Variants in MYNN observed in about 807,000 individuals in gnomAD.
MYNN encodes myoneurin.
In MYNN, 22 loss-of-function variants were observed where a neutral mutation model predicts 57.2. The ratio of observed to expected loss-of-function variants is 0.38; its 90% CI spans 0.27 to 0.55. The LOEUF (loss-of-function observed/expected upper bound fraction) is 0.55, where lower values mean the gene tolerates loss of function less well. MYNN is among the 20% of genes least tolerant of loss of function. MYNN has a pLI of 0.71. For synonymous variants in MYNN, 241 were observed against 257.1 expected, an observed-to-expected ratio of 0.94 and a Z score of 0.60; for missense variants, 566 against 723.1, an observed-to-expected ratio of 0.78 and a Z score of 2.49.
intron 7 of MYNN, among the ~76,000 whole-genome samples, chr3:169,785,761 G>A (rs868660677): frequency 2.0e-5 from 3 of 151,966 alleles, no homozygotes; most frequent in African/African-American, 7.2e-5. Flanking sequence ...TGACAAGGAC[G>A]GTGAAACCAA....
In MYNN at chr3:169,782,389, T is replaced by C. The variant is rs1778545018; in HGVS notation, c.1221-76T>C. On this transcript the variant is annotated intron_variant, in intron 4 of 7. Transcript: ENST00000349841. The surrounding 1 kb of genome is among the most constrained non-coding windows in gnomAD (Gnocchi z 4.8). ...TTAAGATGACATGAAATAAAATCTA[T>C]AAAAAACTTTATGAATTCTTGCTAT... The C allele has an allele frequency of 1.6e-6, 2 of 1,224,832 alleles. No individual in the cohort carries two copies. The highest frequency in any genetic ancestry group is 2.3e-6 in the Non-Finnish European group (2 of 882,778). The allele number at this position is 1,224,832 out of a possible 1,614,324, so 75.9% of individuals were successfully genotyped here.
In MYNN at chr3:169,788,579, A is replaced by G. The variant is rs1778738357; in HGVS notation, c.*1901A>G. 2.6e-5 allele frequency: 4 copies of G among 152,308 alleles called. No individual in the cohort carries two copies. In the South Asian group the frequency reaches 8.3e-4, roughly 32 times the overall value. 9.4% of individuals were successfully genotyped at this position (152,308 alleles called of 1,614,324 possible). A position where few individuals can be genotyped will look rare whatever the true frequency, so the allele number is the denominator to read the frequency against. On this transcript the variant is annotated 3_prime_UTR_variant, in exon 8 of 8. Coordinates refer to ENST00000349841, the MANE Select transcript of MYNN (RefSeq NM_018657.5). ...AACAAAAAACTGCTACAGTGACGTCATAATTCTATAAGGGCAATAGTTGCC... is the reference window on the plus strand; with the variant it reads ...AACAAAAAACTGCTACAGTGACGTCGTAATTCTATAAGGGCAATAGTTGCC...
Position 169,778,945 on chromosome 3 carries a change from A to T in MYNN, c.444A>T (p.Arg148=). 6.2e-7 allele frequency: 1 copy of T among 1,613,918 alleles called. No individual in the cohort carries two copies. Among genetic ancestry groups the T allele is most frequent in the Non-Finnish European group, 8.5e-7 (1 of 1,180,008 alleles). ...AACAGACTTGTCTTCTTACTCTGCG[A>T]GATTATAATAATCGAGAGAAATCAG... ...LNQQTCLLTL[R]DYNNREKSEV... The change falls in exon 3 of 8, where the codon CGA becomes CGT. Residue 148 remains arginine, a synonymous_variant. Coordinates refer to ENST00000349841, the MANE Select transcript of MYNN (RefSeq NM_018657.5).
intron 2 of MYNN, 101 bp from the exon 3 acceptor site, chr3:169,778,664 TCTG>T (rs1314820664): frequency 1.2e-6 from 1 of 826,910 alleles, no homozygotes; most frequent in Non-Finnish European, 1.9e-6. Context: ...TTTTCAGCAT[TCTG>T]CTTCATTAGG....
chr3:169,779,531 CA>C lies in MYNN; in HGVS notation c.1031del (p.Gln344ArgfsTer2). 6.2e-7 allele frequency: 1 copy of C among 1,614,090 alleles called. No individual in the cohort carries two copies. Among genetic ancestry groups the C allele is most frequent in the Non-Finnish European group, 8.5e-7 (1 of 1,179,982 alleles). On this transcript the variant is annotated frameshift_variant, in exon 3 of 8. Transcript: ENST00000349841. LOFTEE classifies it high-confidence loss of function. Reference sequence around the variant, plus strand: ...TGGAAAGGCATTTACCCAATGTAACCAGCTGAAAACGCATGTAAGAACTCAT... The same window carrying C: ...TGGAAAGGCATTTACCCAATGTAACCGCTGAAAACGCATGTAAGAACTCAT... Reference protein sequence around the residue: ...LCGKAFTQCNQLKTHVRTHTG... With the variant: ...LCGKAFTQCNXLKTHVRTHTG...
intron 3 of MYNN, chr3:169,779,893 TG>T: frequency 3.5e-6 from 1 of 287,118 alleles, no homozygotes; most frequent in Non-Finnish European, 6.6e-6. Flanking sequence ...TTTCAGATAT[TG>T]CCAACACTTC....
chr3:169,775,527 C>G (rs1321092986), intron 2 of MYNN, among the ~76,000 whole-genome samples: 1 of 152,122 alleles, frequency 6.6e-6, no homozygotes, highest in Non-Finnish European at 1.5e-5. Context: ...TGCAATCTCT[C>G]TGGGCCTCAG....
chr3:169,779,923 CT>C, intron 3 of MYNN: 1 of 232,124 alleles, frequency 4.3e-6, no homozygotes, highest in Non-Finnish European at 8.5e-6. Context: ...TACTTCTAGA[CT>C]CTGTTGACTT....
intron 1 of MYNN, chr3:169,773,940 A>C (rs1445251770): frequency 4.6e-6 from 1 of 216,758 alleles, no homozygotes; most frequent in African/African-American, 2.3e-5. Context: ...GGTTTAAAAA[A>C]TTTTTTTGTA....
Position 169,786,759 on chromosome 3 carries a change from C to T in MYNN, c.*81C>T. 3 of 1,381,514 alleles carry T rather than the reference C, an allele frequency of 2.2e-6. No homozygotes were observed. Among genetic ancestry groups the T allele is most frequent in the African/African-American group, 1.4e-5 (1 of 69,334 alleles). The allele number at this position is 1,381,514 out of a possible 1,614,324, so 85.6% of individuals were successfully genotyped here. A position where few individuals can be genotyped will look rare whatever the true frequency, so the allele number is the denominator to read the frequency against. ...AGGTGCATATATTCATATTAAATTC[C>T]CATTCATTTGAGTTGTGACCATTAT... On this transcript the variant is annotated 3_prime_UTR_variant, in exon 8 of 8. Coordinates refer to ENST00000349841, the MANE Select transcript of MYNN (RefSeq NM_018657.5).
rs1351966294 is a variant in MYNN at position 169,779,585 on chromosome 3, A to G, written c.1060+24A>G. Reference sequence around the variant, plus strand: ...AGGTGAGACGGGTGTGTGGGGAGATATTATTTTTATACTGTGACTAATATA... The same window carrying G: ...AGGTGAGACGGGTGTGTGGGGAGATGTTATTTTTATACTGTGACTAATATA... On this transcript the variant is annotated intron_variant, in intron 3 of 7. Transcript: ENST00000349841. 1.9e-6 allele frequency: 3 copies of G among 1,597,820 alleles called. No individual in the cohort carries two copies. The Admixed American group carries it at 5.1e-5, about 27-fold the overall frequency.
chr3:169,774,396 A>G lies in MYNN; in HGVS notation c.101A>G (p.Gln34Arg). 6.2e-7 allele frequency: 1 copy of G among 1,614,188 alleles called. No individual in the cohort carries two copies. The highest frequency in any genetic ancestry group is 8.5e-7 in the Non-Finnish European group (1 of 1,180,022). The change falls in exon 2 of 8, where the codon CAG becomes CGG. Residue 34 changes from glutamine to arginine, a missense_variant. By Grantham distance (43) the Gln-to-Arg change is conservative. Coordinates refer to ENST00000349841, the MANE Select transcript of MYNN (RefSeq NM_018657.5). Reference protein sequence around the residue: ...CDCTIVIGEFQFKAHRNVLAS... With the variant: ...CDCTIVIGEFRFKAHRNVLAS... ...TGTACCATAGTGATTGGGGAATTCC[A>G]GTTTAAAGCTCATAGGAATGTGCTG...
At chr3:169,780,300 C>T (rs575058416) in intron 3 of MYNN, 29 of 198,104 alleles carry the variant, frequency 1.5e-4, no homozygotes, top group Admixed American at 1.1e-3. Flanking sequence ...ACTCGTGATC[C>T]GCCCGCCTCC....
Position 169,787,827 on chromosome 3 carries a change from G to C in MYNN, c.*1149G>C, listed in dbSNP as rs1419967262. On this transcript the variant is annotated 3_prime_UTR_variant, in exon 8 of 8. Coordinates refer to ENST00000349841, the MANE Select transcript of MYNN (RefSeq NM_018657.5). ...AATGTAGAAAATTCGTTATTATCCT[G>C]ATATTTGCACCACTCATCCCCATGC... is the stretch of plus-strand genomic sequence containing the variant. The C allele has an allele frequency of 6.6e-6, 1 of 151,962 alleles. No homozygotes were observed. The highest frequency in any genetic ancestry group is 6.6e-5 in the Admixed American group (1 of 15,266). 9.4% of individuals were successfully genotyped at this position (151,962 alleles called of 1,614,324 possible).
Position 169,786,587 on chromosome 3 carries a change from A to G in MYNN, c.1742A>G (p.Asp581Gly). Residue 581 changes from aspartate (D) to glycine (G), a missense_variant, in exon 8 of 8, where the codon GAT (aspartate) becomes GGT (glycine). Asp to Gly is a moderately conservative substitution (Grantham distance 94, BLOSUM62 -1). Transcript: ENST00000349841. ...EDHHMLLPVTDTQSPTSDTLL... is the reference protein window; with the variant it reads ...EDHHMLLPVTGTQSPTSDTLL... Reference sequence around the variant, plus strand: ...CATCACATGCTTCTGCCTGTCACGGATACTCAGTCTCCTACATCAGATACA... The same window carrying G: ...CATCACATGCTTCTGCCTGTCACGGGTACTCAGTCTCCTACATCAGATACA... 1 of 1,613,648 alleles carries G rather than the reference A, an allele frequency of 6.2e-7. No individual in the cohort carries two copies. Among genetic ancestry groups the G allele is most frequent in the Non-Finnish European group, 8.5e-7 (1 of 1,179,610 alleles).
chr3:169,781,290 T>C (rs1223365177), intron 4 of MYNN, among the ~76,000 whole-genome samples: 2 of 152,066 alleles, frequency 1.3e-5, no homozygotes, highest in East Asian at 1.9e-4. Flanking sequence ...GGTAGAACAG[T>C]TTAAGTGGAA....
chr3:169,782,365 T>G lies in MYNN; in HGVS notation c.1221-100T>G, dbSNP rs1577399232. 4.1e-6 allele frequency: 4 copies of G among 971,146 alleles called. No homozygotes were observed. The East Asian group carries it at 1.0e-4, about 25-fold the overall frequency. 60.2% of individuals were successfully genotyped at this position (971,146 alleles called of 1,614,324 possible). On this transcript the variant is annotated intron_variant, in intron 4 of 7. Transcript: ENST00000349841. The surrounding 1 kb of genome is among the most constrained non-coding windows in gnomAD (Gnocchi z 4.8). ...TTTTAAATACATAGTCTTGGCCTGT[T>G]AAGATGACATGAAATAAAATCTATA...
Position 169,782,545 on chromosome 3 carries a change from TC to T in MYNN, c.1303del (p.Arg435ValfsTer80). On this transcript the variant is annotated frameshift_variant, in exon 5 of 8. Coordinates refer to ENST00000349841, the MANE Select transcript of MYNN (RefSeq NM_018657.5). LOFTEE classifies it high-confidence loss of function. This position sits in a 1 kb window ranked among gnomAD's most constrained non-coding sequence, Gnocchi z 4.8. Reference sequence around the variant, plus strand: ...CAAGCCAGCACACTGACCTATCATGTCCGTAGGCATACTGGAGAAAAGCCTT... The same window carrying T: ...CAAGCCAGCACACTGACCTATCATGTCGTAGGCATACTGGAGAAAAGCCTT... ...FAQASTLTYH[V>X]RRHTGEKPYV... 1 of 1,614,058 alleles carries T rather than the reference TC, an allele frequency of 6.2e-7. No individual in the cohort carries two copies. The highest frequency in any genetic ancestry group is 8.5e-7 in the Non-Finnish European group (1 of 1,179,930).
At chr3:169,783,090 C>G (rs983948848) in intron 5 of MYNN, among the ~76,000 whole-genome samples, 2 of 151,996 alleles carry the variant, frequency 1.3e-5, no homozygotes, top group Non-Finnish European at 2.9e-5. Flanking sequence ...AGTTTGGAAA[C>G]AAATTGCTTT....
Sources: gnomAD v4.1 joint callset for allele counts (sites outside exome capture counted in the v4.1 genomes callset) on GRCh38, gnomAD v4.1.1 for gene constraint, Gnocchi (gnomAD v3.1) non-coding constraint, MANE v1.5 for transcripts, NCBI Gene and HGNC (gene_info 2026-07-23, HGNC 2026-07-21) for gene names.